The following ANXA6 variants were observed in gnomAD, a reference collection of about 807,000 sequenced individuals.
ANXA6 encodes the protein annexin A6, also known as 67 kDa calelectrin.
Under a neutral mutation model 95.4 loss-of-function variants are expected in ANXA6, and 71 were observed. That is an observed-to-expected ratio of 0.74 (90% CI 0.61 to 0.91). ANXA6 has a LOEUF of 0.91. Among genes scored for constraint, ANXA6 ranks in the 40% least tolerant of loss-of-function variants. The pLI is 0.00. For synonymous variants in ANXA6, 289 were observed against 315.9 expected, an observed-to-expected ratio of 0.91 and a Z score of 0.90; for missense variants, 830 against 876.4, an observed-to-expected ratio of 0.95 and a Z score of 0.67.
intron 1 of ANXA6, among the ~76,000 whole-genome samples, chr5:151,154,046 T>C (rs1192177694): frequency 1.3e-5 from 2 of 152,146 alleles, no homozygotes; most frequent in Admixed American, 1.3e-4. Context: ...CATCTACTAT[T>C]GGTTTTCAAA....
rs1411724532 is a variant in ANXA6, at chr5:151,105,280, G to C, written c.1804C>G (p.Leu602Val). Residue 602 changes from leucine to valine, a missense_variant, in exon 24 of 26, where the codon CTC becomes GTC. Leu to Val is a conservative substitution (Grantham distance 32, BLOSUM62 1). Transcript: ENST00000354546. ...AIVQSVKNKPLFFADKLYKSM... is the reference protein window; with the variant it reads ...AIVQSVKNKPVFFADKLYKSM... ...TTGTAAAGTTTGTCGGCAAAGAAGA[G>C]AGGCTTGTTCTTGACACTTTGAACT... The C allele has an allele frequency of 6.2e-7, 1 of 1,613,986 alleles. No homozygotes were observed. The highest frequency in any genetic ancestry group is 1.1e-5 in the South Asian group (1 of 91,076).
intron 17 of ANXA6, 140 bp downstream of exon 17, chr5:151,122,007 C>G: frequency 1.9e-6 from 1 of 530,738 alleles, no homozygotes; most frequent in East Asian, 3.7e-5. Context: ...CCAACATCTC[C>G]TTTTGTGTTT....
chr5:151,154,944 G>A (rs1272067036), intron 1 of ANXA6: 1 of 147,768 alleles, frequency 6.8e-6, no homozygotes, highest in Non-Finnish European at 1.5e-5. Context: ...TGCAAGTATT[G>A]AGCCTCTCTG....
chr5:151,133,392 T>G (rs534781313), intron 8 of ANXA6: 1 of 554,896 alleles, frequency 1.8e-6, no homozygotes, highest in South Asian at 2.1e-5. Flanking sequence ...TTTGCCATTG[T>G]GTGATCATAG....
At chr5:151,108,308 C>T in intron 23 of ANXA6, 147 bp downstream of exon 23, 1 of 719,748 alleles carries the variant, frequency 1.4e-6, no homozygotes, top group Non-Finnish European at 2.5e-6. Flanking sequence ...CCTGCACAAT[C>T]ACACATTTGG....
Position 151,131,277 on chromosome 5 carries a change from C to T in ANXA6, c.749G>A (p.Arg250Gln), listed in dbSNP as rs185485420. The part of the protein sequence containing the change: ...KLMLAVVKCI[R>Q]STPEYFAERL... ...TTCAGCAAAATATTCCGGGGTGCTC[C>T]GGATACACTTCACTGTGAAGAGGGA... The change falls in exon 11 of 26, where the codon CGG (arginine) becomes CAG (glutamine). Residue 250 changes from arginine (R) to glutamine (Q), a missense_variant. Transcript: ENST00000354546. 414 of 1,613,978 alleles carry T rather than the reference C, an allele frequency of 2.6e-4. No homozygotes were observed. The highest frequency in any genetic ancestry group is 3.3e-4 in the Non-Finnish European group (384 of 1,179,870).
rs1765218801 is a variant in ANXA6, at chr5:151,123,090, C to T, written c.1139-79G>A. ...CCCATGCACCGCCCACTGATGGCCC[C>T]TCATCGATCTTTGTCAGGGTAGAAG... is the stretch of plus-strand genomic sequence containing the variant. On this transcript the variant is annotated intron_variant, in intron 15 of 25. Coordinates refer to ENST00000354546, the MANE Select transcript of ANXA6 (RefSeq NM_001155.5). The T allele has an allele frequency of 2.5e-5, 30 of 1,223,860 alleles. No homozygotes were observed. The South Asian group carries it at 3.4e-4, about 14-fold the overall frequency. 75.8% of individuals were successfully genotyped at this position (1,223,860 alleles called of 1,614,324 possible).
chr5:151,124,189 A>C, intron 15 of ANXA6, 97 bp downstream of exon 15: 1 of 1,023,410 alleles, frequency 9.8e-7, no homozygotes, highest in Non-Finnish European at 1.5e-6. Context: ...TGCAGACTCT[A>C]ATTTGAAACC....
chr5:151,137,413 C>G, intron 5 of ANXA6, 92 bp from the exon 6 acceptor site: 2 of 965,528 alleles, frequency 2.1e-6, no homozygotes, highest in Non-Finnish European at 3.1e-6. Flanking sequence ...AGCTATGACA[C>G]CCCAGGACTC....
chr5:151,103,897 G>A (rs1488107374), intron 24 of ANXA6, among the ~76,000 whole-genome samples: 1 of 152,224 alleles, frequency 6.6e-6, no homozygotes, highest in Admixed American at 6.5e-5. Flanking sequence ...AAAGATGTGT[G>A]TGGGTTGAAT....
In ANXA6 at chr5:151,139,346, T is replaced by C. The variant is rs1487861640; in HGVS notation, c.204+7A>G. On this transcript the variant is annotated splice_region_variant and intron_variant, in intron 4 of 25. Transcript: ENST00000354546. Reference sequence around the variant, plus strand: ...CACCCCATGGGCCCTCCGGTTGCTGTGGTTACCTTGCCGTAGAGGGACTTG... The same window carrying C: ...CACCCCATGGGCCCTCCGGTTGCTGCGGTTACCTTGCCGTAGAGGGACTTG... 3.0e-5 allele frequency: 48 copies of C among 1,603,546 alleles called. No homozygotes were observed. The highest frequency in any genetic ancestry group is 3.9e-5 in the Non-Finnish European group (46 of 1,173,096).
chr5:151,141,581 C>G lies in ANXA6; in HGVS notation c.19-1338G>C, dbSNP rs541645412. The G allele has an allele frequency of 6.1e-4, 603 of 985,534 alleles. 2 individuals carry two copies. In the African/African-American group the frequency reaches 8.6e-3, roughly 14 times the overall value. The allele number at this position is 985,534 out of a possible 1,614,324, so 61.0% of individuals were successfully genotyped here. A position where few individuals can be genotyped will look rare whatever the true frequency, so the allele number is the denominator to read the frequency against. ...AGAGTGAGTCCTGGACCGCCTCCCC[C>G]TCTCCCCGTCTCCGTGCCTCCCAAC... On this transcript the variant is annotated intron_variant, in intron 2 of 25. Transcript: ENST00000354546.
chr5:151,102,092 GT>G (rs1486263401), intron 25 of ANXA6, among the ~76,000 whole-genome samples: 3 of 152,178 alleles, frequency 2.0e-5, no homozygotes, highest in African/African-American at 7.2e-5. Context: ...ACACATCACA[GT>G]GGTCTGGTAT....
chr5:151,110,067 G>A (rs931625319), intron 21 of ANXA6, among the ~76,000 whole-genome samples: 1 of 152,260 alleles, frequency 6.6e-6, no homozygotes, highest in East Asian at 1.9e-4. Flanking sequence ...GACAAAGATG[G>A]CCTTAGCACT....
chr5:151,128,937 T>C (rs1423136293), intron 12 of ANXA6, among the ~76,000 whole-genome samples: 1 of 141,998 alleles, frequency 7.0e-6, no homozygotes, highest in Non-Finnish European at 1.5e-5. Flanking sequence ...AAGTTTTATT[T>C]CAGTCATCCA....
rs762247005 is a variant in ANXA6, at chr5:151,147,866, G to A, written c.18+18C>T. 1.9e-6 allele frequency: 3 copies of A among 1,595,592 alleles called. No individual in the cohort carries two copies. The highest frequency in any genetic ancestry group is 2.6e-6 in the Non-Finnish European group (3 of 1,171,000). ...AGAGAAGGCTGAGTACCACCTTCAG[G>A]AAAGAGAGGCCCCTTACCTGTGCTG... On this transcript the variant is annotated intron_variant, in intron 2 of 25. Coordinates refer to ENST00000354546, the MANE Select transcript of ANXA6 (RefSeq NM_001155.5).
At chr5:151,139,509 C>T in intron 3 of ANXA6, 62 bp from the exon 4 acceptor site, 2 of 1,187,882 alleles carry the variant, frequency 1.7e-6, no homozygotes, top group Non-Finnish European at 2.5e-6. Context: ...CCACCAGGGC[C>T]ACTTCCTTCC....
intron 25 of ANXA6, 50 bp from the exon 26 acceptor site, chr5:151,101,557 A>G (rs1333414997): frequency 6.7e-7 from 1 of 1,484,268 alleles, no homozygotes; most frequent in Admixed American, 2.0e-5. Context: ...TCCAGTCTCA[A>G]TGCCCCCTCC....
chr5:151,118,945 T>C (rs75937030), intron 18 of ANXA6, among the ~76,000 whole-genome samples: 2,832 of 152,266 alleles, frequency 0.019, 79 homozygotes, highest in African/African-American at 0.065. Flanking sequence ...ATGAAGAATT[T>C]CTGGACAGTG....
Sources: allele counts gnomAD v4.1 joint callset (sites outside exome capture counted in the v4.1 genomes callset), GRCh38; gene constraint gnomAD v4.1.1; transcripts MANE v1.5; gene names NCBI Gene and HGNC (gene_info 2026-07-23, HGNC 2026-07-21).